The following PLAAT3 variants were observed in gnomAD, a reference collection of about 807,000 sequenced individuals.
PLAAT3 encodes phospholipase A and acyltransferase 3, also known as Ca-independent phospholipase A1/2.
In PLAAT3, 21 loss-of-function variants were observed where a neutral mutation model predicts 16.7. That is an observed-to-expected ratio of 1.26 (90% CI 0.89 to 1.81). The LOEUF (loss-of-function observed/expected upper bound fraction) is 1.81, where lower values mean the gene tolerates loss of function less well. Ranked by LOEUF, PLAAT3 falls within the 40% of genes most tolerant of loss-of-function variation. PLAAT3 has a pLI of 0.00. For missense variants in PLAAT3, 219 were observed against 213.7 expected (o/e 1.02, Z -0.16); for synonymous variants, 76 against 81.7 (o/e 0.93, Z 0.38).
chr11:63,587,310 T>C (rs1031786432), intron 4 of PLAAT3, among the ~76,000 whole-genome samples: 1 of 151,996 alleles, frequency 6.6e-6, no homozygotes, highest in South Asian at 2.1e-4. Flanking sequence ...GAAGATTCTA[T>C]ACAGTTCTGA....
chr11:63,601,042 A>T (rs1442857868), intron 2 of PLAAT3, among the ~76,000 whole-genome samples: 9 of 133,596 alleles, frequency 6.7e-5, no homozygotes, highest in Non-Finnish European at 6.5e-5. Context: ...ATAAAAATTA[A>T]ACAAAAAAAA....
At chr11:63,609,371 CAG>C (rs1938638432) in intron 2 of PLAAT3, among the ~76,000 whole-genome samples, 1 of 152,228 alleles carries the variant, frequency 6.6e-6, no homozygotes, top group South Asian at 2.1e-4. Flanking sequence ...TTCCCAGAAA[CAG>C]GGCCCAGCCC....
At chr11:63,596,627 G>T (rs1240558789) in intron 3 of PLAAT3, among the ~76,000 whole-genome samples, 1 of 151,718 alleles carries the variant, frequency 6.6e-6, no homozygotes, top group Non-Finnish European at 1.5e-5. Context: ...TCAGGCATTA[G>T]ATTCTCATAA....
chr11:63,612,935 CAGAT>C (rs963471244), intron 2 of PLAAT3, among the ~76,000 whole-genome samples: 22 of 152,222 alleles, frequency 1.4e-4, no homozygotes, highest in Admixed American at 1.4e-3. Flanking sequence ...ATAATGTTAT[CAGAT>C]AGAGAATGAT....
rs142917172 is a variant in PLAAT3 at position 63,581,535 on chromosome 11, C to T, written c.388-6489G>A. Among the ~76,000 whole-genome samples the T allele has an allele frequency of 9.3e-3, 1,412 of 152,234 alleles. 13 individuals are homozygous for T. The highest frequency in any genetic ancestry group is 0.039 in the South Asian group (190 of 4,816). Reference sequence around the variant, plus strand: ...TCAGACTGGTTGTCTGCTCTCAAACCCTGTTTCCTGTTAAGATGTTTATCA... The same window carrying T: ...TCAGACTGGTTGTCTGCTCTCAAACTCTGTTTCCTGTTAAGATGTTTATCA... On this transcript the variant is annotated intron_variant, in intron 4 of 4. Coordinates refer to ENST00000415826, the MANE Select transcript of PLAAT3 (RefSeq NM_001128203.2).
chr11:63,605,578 A>T (rs1028152760), intron 2 of PLAAT3, among the ~76,000 whole-genome samples: 10 of 151,658 alleles, frequency 6.6e-5, no homozygotes, highest in Admixed American at 4.6e-4. Flanking sequence ...TTTGAGACGG[A>T]GTCTCGCACT....
intron 4 of PLAAT3, among the ~76,000 whole-genome samples, chr11:63,576,829 T>A (rs1162730614): frequency 6.6e-6 from 1 of 152,168 alleles, no homozygotes; most frequent in Non-Finnish European, 1.5e-5. Flanking sequence ...GTGAGTATAT[T>A]AAGTGTATAA....
intron 4 of PLAAT3, among the ~76,000 whole-genome samples, chr11:63,584,011 T>C (rs371691379): frequency 5.9e-5 from 9 of 152,322 alleles, no homozygotes; most frequent in African/African-American, 1.4e-4. Flanking sequence ...AGCAATCCAA[T>C]TGAGACTGTT....
At chr11:63,579,184 T>C (rs990634652) in intron 4 of PLAAT3, among the ~76,000 whole-genome samples, 33 of 152,254 alleles carry the variant, frequency 2.2e-4, no homozygotes, top group African/African-American at 7.5e-4. Context: ...TACCATCTCA[T>C]ACCAGTTAGA....
chr11:63,611,022 G>C (rs1052614651), intron 2 of PLAAT3, among the ~76,000 whole-genome samples: 1 of 152,148 alleles, frequency 6.6e-6, no homozygotes, highest in Non-Finnish European at 1.5e-5. Flanking sequence ...AAAGCCCACA[G>C]TGGGGAGGCA....
intron 4 of PLAAT3, among the ~76,000 whole-genome samples, chr11:63,584,553 G>A (rs950036864): frequency 3.5e-5 from 5 of 142,446 alleles, no homozygotes; most frequent in African/African-American, 1.0e-4. Context: ...TTGCTCAGTC[G>A]CCCAGGCTGG....
At chr11:63,602,043 T>C (rs1457216194) in intron 2 of PLAAT3, among the ~76,000 whole-genome samples, 2 of 146,062 alleles carry the variant, frequency 1.4e-5, no homozygotes, top group African/African-American at 5.1e-5. Context: ...ATCTCAGCAC[T>C]TTGGGAGGCC....
upstream of PLAAT3, among the ~76,000 whole-genome samples, chr11:63,615,832 T>C (rs555546268): frequency 6.6e-6 from 1 of 151,846 alleles, no homozygotes; most frequent in African/African-American, 2.4e-5. Flanking sequence ...CGCGCCCAGC[T>C]AATTTTTGTA....
rs761355931 is a variant in PLAAT3 at position 63,574,909 on chromosome 11, GTA to G, written c.*34_*35del. 6.6e-5 allele frequency: 83 copies of G among 1,257,590 alleles called. No homozygotes were observed. Among genetic ancestry groups the G allele is most frequent in the Non-Finnish European group, 9.4e-5 (80 of 854,120 alleles). The allele number at this position is 1,257,590 out of a possible 1,614,324, so 77.9% of individuals were successfully genotyped here. On this transcript the variant is annotated 3_prime_UTR_variant, in exon 5 of 5. Coordinates refer to ENST00000415826, the MANE Select transcript of PLAAT3 (RefSeq NM_001128203.2). ...TCTAGCAAAACAAGACCCCCTTGAT[GTA>G]TAAAGTCATCGCTGACAGGACAGTC...
At chr11:63,615,670 T>C (rs548769161), upstream of PLAAT3, among the ~76,000 whole-genome samples, 107 of 150,532 alleles carry the variant, frequency 7.1e-4, no homozygotes, top group African/African-American at 2.4e-3. Context: ...CTTTTTGGGG[T>C]TTTTTGTTTT....
At chr11:63,586,608 G>A (rs1937986006) in intron 4 of PLAAT3, among the ~76,000 whole-genome samples, 1 of 152,072 alleles carries the variant, frequency 6.6e-6, no homozygotes. Flanking sequence ...TGCTGCATAG[G>A]AGCATGAGTT....
intron 4 of PLAAT3, among the ~76,000 whole-genome samples, chr11:63,582,436 T>C (rs983482933): frequency 1.3e-5 from 2 of 152,200 alleles, no homozygotes; most frequent in African/African-American, 4.8e-5. Context: ...TGTAGGTTAC[T>C]TGACATGGTT....
At chr11:63,602,911 G>C (rs1183779654) in intron 2 of PLAAT3, among the ~76,000 whole-genome samples, 1 of 152,102 alleles carries the variant, frequency 6.6e-6, no homozygotes, top group Non-Finnish European at 1.5e-5. Flanking sequence ...TGGCCAACTT[G>C]GTGAAACACT....
intron 2 of PLAAT3, among the ~76,000 whole-genome samples, chr11:63,604,747 A>C (rs1938515402): frequency 6.6e-6 from 1 of 152,004 alleles, no homozygotes; most frequent in African/African-American, 2.4e-5. Flanking sequence ...TAGGCGACAG[A>C]GCAAGACTGC....
Sources: gnomAD v4.1 joint callset for allele counts (sites outside exome capture counted in the v4.1 genomes callset) on GRCh38, gnomAD v4.1.1 for gene constraint, MANE v1.5 for transcripts, NCBI Gene and HGNC (gene_info 2026-07-23, HGNC 2026-07-21) for gene names.